CHCHD6: variants seen among roughly 807,000 people sequenced by gnomAD.
The protein encoded by CHCHD6 is MICOS complex subunit MIC25.
In CHCHD6, 28 loss-of-function variants were observed where a neutral mutation model predicts 32.3. That is an observed-to-expected ratio of 0.87 (90% confidence interval 0.64 to 1.19). CHCHD6 has a LOEUF of 1.19. CHCHD6 is among the 50% of genes most tolerant of loss of function. The pLI is 0.00. For synonymous variants in CHCHD6, 122 were observed against 117.5 expected, an observed-to-expected ratio of 1.04 and a Z score of -0.25; for missense variants, 333 against 307.0, an observed-to-expected ratio of 1.08 and a Z score of -0.63.
chr3:126,941,055 A>G (rs934352799), intron 6 of CHCHD6, among the ~76,000 whole-genome samples: 5 of 152,140 alleles, frequency 3.3e-5, no homozygotes, highest in African/African-American at 1.2e-4. Flanking sequence ...CAATTTTTCT[A>G]TTTGTAACTT....
intron 6 of CHCHD6, among the ~76,000 whole-genome samples, chr3:126,916,659 C>G (rs547200796): frequency 5.9e-5 from 9 of 152,332 alleles, no homozygotes; most frequent in African/African-American, 1.7e-4. Context: ...ACCCTGCCCC[C>G]ACTGGTGGTC....
chr3:126,907,412 A>G (rs1350782300), intron 5 of CHCHD6, among the ~76,000 whole-genome samples: 1 of 152,240 alleles, frequency 6.6e-6, no homozygotes, highest in Non-Finnish European at 1.5e-5. Flanking sequence ...TTGGTTGTGT[A>G]GCTGACTGCA....
At chr3:126,839,559 G>A (rs533457987) in intron 4 of CHCHD6, among the ~76,000 whole-genome samples, 12 of 151,926 alleles carry the variant, frequency 7.9e-5, no homozygotes, top group Non-Finnish European at 1.5e-4. Flanking sequence ...GAACCTGGAG[G>A]GATCATTGTG....
In CHCHD6 at chr3:126,728,076, C is replaced by T. The variant is rs548763050; in HGVS notation, c.196+890C>T. On this transcript the variant is annotated intron_variant, in intron 2 of 7. Coordinates refer to ENST00000290913, the MANE Select transcript of CHCHD6 (RefSeq NM_032343.3). ...AGATTGTTCTTCTTGGGCCTGGTCT[C>T]GCGTTACAGTTGCCTTTTCTACTCA... Among the ~76,000 whole-genome samples the T allele has an allele frequency of 6.6e-5, 10 of 152,138 alleles. No homozygotes were observed. In the East Asian group the frequency reaches 1.2e-3, roughly 18 times the overall value.
intron 5 of CHCHD6, among the ~76,000 whole-genome samples, chr3:126,903,299 C>T (rs1279054948): frequency 1.3e-5 from 2 of 152,208 alleles, no homozygotes; most frequent in African/African-American, 4.8e-5. Context: ...ACCACCCCCG[C>T]CTTCAGTCTG....
At chr3:126,848,931 A>G in intron 4 of CHCHD6, among the ~76,000 whole-genome samples, 1 of 152,168 alleles carries the variant, frequency 6.6e-6, no homozygotes, top group East Asian at 1.9e-4. Flanking sequence ...TTGGAGTGGA[A>G]AGTTCACTAT....
chr3:126,883,265 A>G (rs1211189327), intron 5 of CHCHD6, among the ~76,000 whole-genome samples: 1 of 152,176 alleles, frequency 6.6e-6, no homozygotes, highest in African/African-American at 2.4e-5. Flanking sequence ...ATTGAATCCC[A>G]AGAGGAGGCT....
intron 4 of CHCHD6, among the ~76,000 whole-genome samples, chr3:126,802,626 T>C (rs1939139492): frequency 6.6e-6 from 1 of 152,156 alleles, no homozygotes; most frequent in South Asian, 2.1e-4. Context: ...TGGAACCAAG[T>C]TGGAAAACAC....
intron 4 of CHCHD6, among the ~76,000 whole-genome samples, chr3:126,810,933 A>T (rs1384846311): frequency 6.6e-6 from 1 of 152,198 alleles, no homozygotes; most frequent in Admixed American, 6.5e-5. Context: ...CTGCAGGCAC[A>T]TGAGATGTCC....
At chr3:126,731,991 A>G (rs140844446) in intron 3 of CHCHD6, among the ~76,000 whole-genome samples, 1 of 145,790 alleles carries the variant, frequency 6.9e-6, no homozygotes, top group Admixed American at 7.0e-5. Context: ...AGGTGGGAGG[A>G]TTGCTTGAGC....
chr3:126,868,286 G>T (rs543566256), intron 5 of CHCHD6, among the ~76,000 whole-genome samples: 1 of 152,344 alleles, frequency 6.6e-6, no homozygotes, highest in Non-Finnish European at 1.5e-5. Context: ...TGAGGTGGAT[G>T]GACGTAGATG....
intron 4 of CHCHD6, among the ~76,000 whole-genome samples, chr3:126,840,983 C>T (rs1001694679): frequency 1.4e-4 from 22 of 151,822 alleles, no homozygotes; most frequent in Admixed American, 2.6e-4. Flanking sequence ...CATGTTGGTG[C>T]GCTGCACCCA....
intron 4 of CHCHD6, among the ~76,000 whole-genome samples, chr3:126,844,718 A>T (rs371203668): frequency 6.6e-6 from 1 of 152,172 alleles, no homozygotes; most frequent in South Asian, 2.1e-4. Context: ...GAGCCTGTGC[A>T]TGTTTTCTCT....
At chr3:126,857,985 G>A (rs1240148789) in intron 5 of CHCHD6, among the ~76,000 whole-genome samples, 1 of 151,802 alleles carries the variant, frequency 6.6e-6, no homozygotes, top group Non-Finnish European at 1.5e-5. Flanking sequence ...AGGTTCACCA[G>A]AAGAGAGGCT....
At chr3:126,780,100 A>T (rs952372196) in intron 4 of CHCHD6, among the ~76,000 whole-genome samples, 2 of 152,236 alleles carry the variant, frequency 1.3e-5, no homozygotes, top group Admixed American at 1.3e-4. Context: ...TATTTAAAAA[A>T]CAAAGTCTCA....
chr3:126,771,605 A>G (rs948188428), intron 4 of CHCHD6, among the ~76,000 whole-genome samples: 5 of 152,068 alleles, frequency 3.3e-5, no homozygotes, highest in Non-Finnish European at 5.9e-5. Flanking sequence ...GGGTTTGTTG[A>G]TATTTCGTAT....
chr3:126,708,933 C>T (rs983771066), intron 1 of CHCHD6, among the ~76,000 whole-genome samples: 1 of 152,154 alleles, frequency 6.6e-6, no homozygotes, highest in African/African-American at 2.4e-5. Context: ...ATGACCTATC[C>T]ATGGGTCGTT....
intron 1 of CHCHD6, among the ~76,000 whole-genome samples, chr3:126,709,978 A>G (rs2107649288): frequency 6.6e-6 from 1 of 152,346 alleles, no homozygotes; most frequent in East Asian, 1.9e-4. Flanking sequence ...CCAATCCTAC[A>G]TGGATACCAA....
intron 2 of CHCHD6, among the ~76,000 whole-genome samples, chr3:126,729,672 C>T (rs570007180): frequency 3.9e-5 from 6 of 152,114 alleles, no homozygotes; most frequent in South Asian, 4.1e-4. Flanking sequence ...TTTGAAAGTG[C>T]GAGTAGTCAC....
Sources: allele counts gnomAD v4.1 joint callset (sites outside exome capture counted in the v4.1 genomes callset), GRCh38; gene constraint gnomAD v4.1.1; transcripts MANE v1.5; gene names NCBI Gene and HGNC (gene_info 2026-07-23, HGNC 2026-07-21).